Variants in LRRC4C observed in about 807,000 individuals in gnomAD.
LRRC4C encodes leucine rich repeat containing 4C.
A neutral mutation model predicts 33.6 loss-of-function variants in LRRC4C; 5 were observed. The observed-to-expected ratio is 0.15, with a 90% CI of 0.08 to 0.31. The LOEUF (loss-of-function observed/expected upper bound fraction) is 0.31, where lower values mean the gene tolerates loss of function less well. Ranked by LOEUF, LRRC4C falls within the 10% of genes least tolerant of loss-of-function variation. The probability of loss-of-function intolerance (pLI) is 1.00; values close to 1 mark genes in which losing one functional copy is unlikely to be tolerated. For missense variants in LRRC4C, 560 were observed against 796.7 expected, an observed-to-expected ratio of 0.70 and a Z score of 3.58; for synonymous variants, 329 against 302.0, an observed-to-expected ratio of 1.09 and a Z score of -0.93.
chr11:40,115,403 T>C lies in LRRC4C; in HGVS notation c.890A>G (p.His297Arg). 6.2e-7 allele frequency: 1 copy of C among 1,614,158 alleles called. No homozygotes were observed. Among genetic ancestry groups the C allele is most frequent in the Non-Finnish European group, 8.5e-7 (1 of 1,180,024 alleles). ...FTPLHHLERI[H>R]LHHNPWNCNC... Reference sequence around the variant, plus strand: ...ACAGTTCCAAGGGTTGTGATGTAAATGTATCCGCTCTAGATGATGCAAGGG... The same window carrying C: ...ACAGTTCCAAGGGTTGTGATGTAAACGTATCCGCTCTAGATGATGCAAGGG... Residue 297 changes from histidine to arginine, a missense_variant, in exon 7 of 7, where the codon CAT becomes CGT. His to Arg is a conservative substitution (Grantham distance 29). This residue lies in a region of LRRC4C where 455 missense variants were observed against 643.8 expected (regional missense o/e 0.71). Coordinates refer to ENST00000528697, the MANE Select transcript of LRRC4C (RefSeq NM_001258419.2). The surrounding 1 kb of genome is among the most constrained non-coding windows in gnomAD (Gnocchi z 6.7).
intron 1 of LRRC4C, among the ~76,000 whole-genome samples, chr11:41,011,848 T>TATATTATATTATATTA (rs1280598237): frequency 4.0e-4 from 60 of 148,292 alleles, no homozygotes; most frequent in African/African-American, 1.4e-3. Context: ...TATATTATAT[T>TATATTATATTATATTA]ATGTTACATG....
In LRRC4C at chr11:40,286,457, A is replaced by C. The variant is rs2136509551; in HGVS notation, c.-176+33171T>G. Among the ~76,000 whole-genome samples, 2 of 152,318 alleles carry C rather than the reference A, an allele frequency of 1.3e-5. 1 individual carries two copies. Among genetic ancestry groups the C allele is most frequent in the South Asian group, 4.1e-4 (2 of 4,832 alleles). On this transcript the variant is annotated intron_variant, in intron 4 of 6. Transcript: ENST00000528697. ...TACATTAACTTTACATAAGTTTTTC[A>C]TTATTTTTAGACTTCATTATGAATT...
intron 1 of LRRC4C, among the ~76,000 whole-genome samples, chr11:41,002,780 G>C (rs1854478819): frequency 6.6e-6 from 1 of 152,240 alleles, no homozygotes; most frequent in South Asian, 2.1e-4. Flanking sequence ...CAGTGTGTAT[G>C]ACAGCCACAT....
intron 1 of LRRC4C, among the ~76,000 whole-genome samples, chr11:41,152,159 T>A (rs950578934): frequency 1.4e-4 from 21 of 152,224 alleles, no homozygotes; most frequent in African/African-American, 4.3e-4. Context: ...ATGCTGATGT[T>A]ACTAGCTCCC....
chr11:40,658,133 C>T lies in LRRC4C; in HGVS notation c.-406-9855G>A, dbSNP rs75150032. Among the ~76,000 whole-genome samples, 1,263 of 152,276 alleles carry T rather than the reference C, an allele frequency of 8.3e-3. 15 individuals are homozygous for T. Among genetic ancestry groups the T allele is most frequent in the African/African-American group, 0.028 (1,176 of 41,550 alleles). ...TTATAGTAAACATTAGATCAGGACA[C>T]ATATTAACTCTCCCTTATATGTGTC... On this transcript the variant is annotated intron_variant, in intron 2 of 6. Coordinates refer to ENST00000528697, the MANE Select transcript of LRRC4C (RefSeq NM_001258419.2).
chr11:40,585,604 C>T lies in LRRC4C; in HGVS notation c.-270+62538G>A, dbSNP rs979228674. 2.6e-3 allele frequency among the ~76,000 whole-genome samples: 369 copies of T among 139,406 alleles called. 2 individuals carry two copies. Among genetic ancestry groups the T allele is most frequent in the Non-Finnish European group, 4.3e-3 (277 of 63,784 alleles). 91.5% of individuals were successfully genotyped at this position (139,406 alleles called of 152,430 possible). A position where few individuals can be genotyped will look rare whatever the true frequency, so the allele number is the denominator to read the frequency against. On this transcript the variant is annotated intron_variant, in intron 3 of 6. Transcript: ENST00000528697. ...GTCATCTAGCATTAGGTATATCTCC[C>T]AATGGTATCCCTCCCCCCTCCCCCC...
chr11:41,014,870 T>C (rs375436557), intron 1 of LRRC4C, among the ~76,000 whole-genome samples: 5 of 151,992 alleles, frequency 3.3e-5, no homozygotes, highest in East Asian at 3.9e-4. Context: ...TTTTCATTTT[T>C]AGTTGAGGAA....
At chr11:40,357,572 A>C (rs544730613) in intron 3 of LRRC4C, among the ~76,000 whole-genome samples, 28 of 152,298 alleles carry the variant, frequency 1.8e-4, no homozygotes, top group South Asian at 1.0e-3. Flanking sequence ...TGCTTCTTTA[A>C]TAGACACAAA....
chr11:40,213,298 G>A (rs1863741344), intron 5 of LRRC4C, among the ~76,000 whole-genome samples: 1 of 152,104 alleles, frequency 6.6e-6, no homozygotes, highest in Non-Finnish European at 1.5e-5. Context: ...TCTTCTTCAT[G>A]TAAGGGCAAA....
intron 1 of LRRC4C, among the ~76,000 whole-genome samples, chr11:41,094,115 C>CG (rs1940640343): frequency 6.8e-6 from 1 of 147,740 alleles, no homozygotes; most frequent in East Asian, 2.1e-4. Context: ...GACTCCGTAT[C>CG]GGGGGAAAAA....
At chr11:40,688,396 C>A (rs1414173331) in intron 2 of LRRC4C, among the ~76,000 whole-genome samples, 3 of 152,144 alleles carry the variant, frequency 2.0e-5, no homozygotes, top group Admixed American at 6.6e-5. Context: ...TTGTTTTTCC[C>A]ATTATATCAC....
intron 3 of LRRC4C, among the ~76,000 whole-genome samples, chr11:40,340,185 A>G (rs1186971403): frequency 6.6e-6 from 1 of 152,132 alleles, no homozygotes; most frequent in East Asian, 1.9e-4. Flanking sequence ...CCTATTTTCC[A>G]GCATACAAAA....
At chr11:41,069,914 T>A (rs1298624477) in intron 1 of LRRC4C, among the ~76,000 whole-genome samples, 3 of 151,990 alleles carry the variant, frequency 2.0e-5, no homozygotes, top group Admixed American at 6.6e-5. Flanking sequence ...TAGAAAAAAA[T>A]TACTTTAAAT....
At chr11:40,630,330 CTCTTCTTCT>C (rs200043868) in intron 3 of LRRC4C, among the ~76,000 whole-genome samples, 8,887 of 135,294 alleles carry the variant, frequency 0.066, 425 homozygotes, top group East Asian at 0.14. Context: ...TTTCTTCTTC[CTCTTCTTCT>C]TCTTCTTCTT....
At chr11:41,155,378 T>A (rs887871804) in intron 1 of LRRC4C, among the ~76,000 whole-genome samples, 2 of 152,122 alleles carry the variant, frequency 1.3e-5, no homozygotes, top group African/African-American at 4.8e-5. Flanking sequence ...TTGGAATCCA[T>A]TTGTCTTGAA....
At chr11:41,246,736 A>C (rs755990326) in intron 1 of LRRC4C, among the ~76,000 whole-genome samples, 2 of 152,128 alleles carry the variant, frequency 1.3e-5, no homozygotes, top group Non-Finnish European at 2.9e-5. Flanking sequence ...CTTGTTTTTA[A>C]TCCCTTTCTT....
At chr11:40,717,759 T>C (rs1946803815) in intron 2 of LRRC4C, among the ~76,000 whole-genome samples, 1 of 152,176 alleles carries the variant, frequency 6.6e-6, no homozygotes, top group Admixed American at 6.5e-5. Context: ...CACAAACAGC[T>C]AAATAGCAGG....
intron 2 of LRRC4C, among the ~76,000 whole-genome samples, chr11:40,820,415 G>A (rs963016223): frequency 3.3e-5 from 5 of 151,894 alleles, no homozygotes; most frequent in African/African-American, 1.2e-4. Context: ...TAGATTAGAT[G>A]TGGCAGAAAG....
chr11:40,630,372 T>C (rs906374679), intron 3 of LRRC4C, among the ~76,000 whole-genome samples: 4 of 85,156 alleles, frequency 4.7e-5, no homozygotes, highest in Non-Finnish European at 1.2e-4. Context: ...CTTCTTCTTC[T>C]TCTTCTTCTT....
Sources: gnomAD v4.1 joint callset for allele counts (sites outside exome capture counted in the v4.1 genomes callset) on GRCh38, gnomAD v4.1.1 for gene constraint, gnomAD v4.1.1 regional missense constraint, Gnocchi (gnomAD v3.1) non-coding constraint, MANE v1.5 for transcripts, NCBI Gene and HGNC (gene_info 2026-07-23, HGNC 2026-07-21) for gene names.